ZNF274: variants seen among roughly 807,000 people sequenced by gnomAD.
ZNF274 encodes the protein neurotrophin receptor-interacting factor homolog.
ZNF274 carries 23 observed loss-of-function variants against 42.5 expected under a neutral mutation model. The observed-to-expected ratio is 0.54, with a 90% confidence interval of 0.39 to 0.77. The LOEUF (loss-of-function observed/expected upper bound fraction) is 0.77, where lower values mean the gene tolerates loss of function less well. Among genes scored for constraint, ZNF274 ranks in the 30% least tolerant of loss-of-function variants. The pLI is 0.00. For synonymous variants in ZNF274, 292 were observed against 305.4 expected (o/e 0.96, Z 0.46); for missense variants, 679 against 806.5 (o/e 0.84, Z 1.91).
At chr19:58,201,167 G>C (rs916125880) in intron 4 of ZNF274, among the ~76,000 whole-genome samples, 1 of 145,248 alleles carries the variant, frequency 6.9e-6, no homozygotes, top group African/African-American at 2.5e-5. Context: ...GCTACGCCTG[G>C]CTAATTTTTT....
At chr19:58,185,381 G>T (rs1458951603) in intron 2 of ZNF274, 1 of 152,106 alleles carries the variant, frequency 6.6e-6, no homozygotes, top group Non-Finnish European at 1.5e-5. Flanking sequence ...CCAAGATTGC[G>T]CCACTGCACT....
chr19:58,206,437 G>T (rs528581886), intron 4 of ZNF274, among the ~76,000 whole-genome samples: 1 of 152,248 alleles, frequency 6.6e-6, no homozygotes, highest in East Asian at 1.9e-4. Flanking sequence ...TATATACTTG[G>T]GGGGAATGTC....
In ZNF274 at chr19:58,207,595, A is replaced by T. The variant is rs1216159261; in HGVS notation, c.739+393A>T. Among the ~76,000 whole-genome samples the T allele has an allele frequency of 6.6e-6, 1 of 152,154 alleles. No individual in the cohort carries two copies. The highest frequency in any genetic ancestry group is 1.5e-5 in the Non-Finnish European group (1 of 68,022). ...CTGGGACTATGAGGAGCTCGAGGTGATGGTGAGGCTTATGAAGGTCTGCAG... is the reference window on the plus strand; with the variant it reads ...CTGGGACTATGAGGAGCTCGAGGTGTTGGTGAGGCTTATGAAGGTCTGCAG... On this transcript the variant is annotated intron_variant, in intron 5 of 7. Coordinates refer to ENST00000617501, the MANE Select transcript of ZNF274 (RefSeq NM_133502.3). The surrounding 1 kb of genome is among the most constrained non-coding windows in gnomAD (Gnocchi z 5.6).
rs2075661060 is a variant in ZNF274 at position 58,183,804 on chromosome 19, C to A, written c.-45-117C>A. 4.6e-6 allele frequency: 3 copies of A among 659,246 alleles called. No individual in the cohort carries two copies. The East Asian group carries it at 8.4e-5, about 18-fold the overall frequency. 40.8% of individuals were successfully genotyped at this position (659,246 alleles called of 1,614,324 possible). ...CCTATGACTCACTCTGGGCGTTTTC[C>A]AGTTTGGGTGGACTTGTCATTTCCC... On this transcript the variant is annotated intron_variant, in intron 1 of 7. Transcript: ENST00000617501.
At chr19:58,194,625 C>T (rs2075818280) in intron 4 of ZNF274, among the ~76,000 whole-genome samples, 1 of 151,970 alleles carries the variant, frequency 6.6e-6, no homozygotes, top group Non-Finnish European at 1.5e-5. Context: ...AAGTGATCCT[C>T]CCACCTGGGC....
rs55962435 is a variant in ZNF274, at chr19:58,206,331, A to G, written c.257-389A>G. Reference sequence around the variant, plus strand: ...TTATACATCCCTCAGTTGATAGACAATGGGTTATTTGTACTTGTTGGCTAT... The same window carrying G: ...TTATACATCCCTCAGTTGATAGACAGTGGGTTATTTGTACTTGTTGGCTAT... On this transcript the variant is annotated intron_variant, in intron 4 of 7. Coordinates refer to ENST00000617501, the MANE Select transcript of ZNF274 (RefSeq NM_133502.3). Among the ~76,000 whole-genome samples the G allele has an allele frequency of 7.9e-3, 1,196 of 152,334 alleles. 12 individuals carry two copies. Among genetic ancestry groups the G allele is most frequent in the African/African-American group, 0.027 (1,119 of 41,574 alleles).
rs1351678451 is a variant in ZNF274, at chr19:58,211,473, C to G, written c.853-87C>G. ...GAGTCCCTAGCACCGTGAGCTCTGT[C>G]AGAACCTCCCAGCTGGCCTTTCTTC... On this transcript the variant is annotated intron_variant, in intron 6 of 7. Coordinates refer to ENST00000617501, the MANE Select transcript of ZNF274 (RefSeq NM_133502.3). This position sits in a 1 kb window ranked among gnomAD's most constrained non-coding sequence, Gnocchi z 4.8. 1 of 1,506,360 alleles carries G rather than the reference C, an allele frequency of 6.6e-7. No homozygotes were observed. Among genetic ancestry groups the G allele is most frequent in the Non-Finnish European group, 8.9e-7 (1 of 1,119,184 alleles). The allele number at this position is 1,506,360 out of a possible 1,614,324, so 93.3% of individuals were successfully genotyped here. A position where few individuals can be genotyped will look rare whatever the true frequency, so the allele number is the denominator to read the frequency against.
intron 4 of ZNF274, among the ~76,000 whole-genome samples, chr19:58,188,344 G>C (rs1253580341): frequency 6.6e-6 from 1 of 151,752 alleles, no homozygotes; most frequent in Non-Finnish European, 1.5e-5. Flanking sequence ...AAATAGGACA[G>C]GCACGGTGGC....
At chr19:58,187,913 G>C (rs1449481449) in intron 4 of ZNF274, among the ~76,000 whole-genome samples, 1 of 151,130 alleles carries the variant, frequency 6.6e-6, no homozygotes, top group Admixed American at 6.6e-5. Context: ...TTTAGTAACG[G>C]ACGGTTTCAC....
intron 4 of ZNF274, among the ~76,000 whole-genome samples, chr19:58,205,105 C>T (rs1326328400): frequency 6.6e-6 from 1 of 152,138 alleles, no homozygotes; most frequent in African/African-American, 2.4e-5. Flanking sequence ...CCTTTGGTGC[C>T]TCTATACCTA....
Position 58,211,520 on chromosome 19 carries a change from G to A in ZNF274, c.853-40G>A. 6.3e-7 allele frequency: 1 copy of A among 1,585,674 alleles called. No individual in the cohort carries two copies. The highest frequency in any genetic ancestry group is 8.6e-7 in the Non-Finnish European group (1 of 1,162,808). On this transcript the variant is annotated intron_variant, in intron 6 of 7. Transcript: ENST00000617501. The surrounding 1 kb of genome is among the most constrained non-coding windows in gnomAD (Gnocchi z 4.8). ...CTTCTGCCCTCATTGACAACCCTCT[G>A]ACCCTCTTGCTGAGCATAGACACAT...
At chr19:58,199,668 G>GCA (rs1383035844) in intron 4 of ZNF274, among the ~76,000 whole-genome samples, 5 of 152,212 alleles carry the variant, frequency 3.3e-5, no homozygotes, top group Non-Finnish European at 4.4e-5. Context: ...AGCAGAGATC[G>GCA]CACTACTGCA....
At chr19:58,189,688 A>G (rs565765042) in intron 4 of ZNF274, among the ~76,000 whole-genome samples, 262 of 152,284 alleles carry the variant, frequency 1.7e-3, no homozygotes, top group African/African-American at 6.2e-3. Context: ...TCAGCTTGTC[A>G]GTGTTCATTG....
intron 4 of ZNF274, among the ~76,000 whole-genome samples, chr19:58,193,149 T>C (rs1422194998): frequency 1.3e-5 from 2 of 151,790 alleles, no homozygotes; most frequent in Non-Finnish European, 2.9e-5. Flanking sequence ...ACTATCTTTT[T>C]TCTTTTTTTT....
chr19:58,188,448 C>G (rs113840306), intron 4 of ZNF274, among the ~76,000 whole-genome samples: 1 of 150,470 alleles, frequency 6.6e-6, no homozygotes, highest in South Asian at 2.1e-4. Flanking sequence ...TGGTGAAACC[C>G]CATCTCTACT....
chr19:58,195,487 G>A (rs1439982955), intron 4 of ZNF274, among the ~76,000 whole-genome samples: 1 of 152,106 alleles, frequency 6.6e-6, no homozygotes, highest in Non-Finnish European at 1.5e-5. Context: ...TTTACTGTGA[G>A]TGTGAGACGG....
chr19:58,198,079 C>T (rs1352769731), intron 4 of ZNF274, among the ~76,000 whole-genome samples: 1 of 151,468 alleles, frequency 6.6e-6, no homozygotes. Context: ...AGAAAAATAC[C>T]ATCAACAGTC....
At chr19:58,189,817 C>T (rs2075756850) in intron 4 of ZNF274, among the ~76,000 whole-genome samples, 1 of 152,208 alleles carries the variant, frequency 6.6e-6, no homozygotes, top group East Asian at 1.9e-4. Flanking sequence ...CTGTCATGCT[C>T]TTAAATTCTT....
intron 4 of ZNF274, among the ~76,000 whole-genome samples, chr19:58,188,616 A>ATAT (rs2075730378): frequency 5.8e-4 from 35 of 60,690 alleles, no homozygotes; most frequent in African/African-American, 2.5e-3. Context: ...AAAAAAAAAA[A>ATAT]AAAAATATAT....
Sources: allele counts gnomAD v4.1 joint callset (sites outside exome capture counted in the v4.1 genomes callset), GRCh38; gene constraint gnomAD v4.1.1; non-coding constraint Gnocchi (gnomAD v3.1); transcripts MANE v1.5; gene names NCBI Gene and HGNC (gene_info 2026-07-23, HGNC 2026-07-21).